Variants in NEB observed in about 807,000 individuals in gnomAD.
The protein encoded by NEB is nemaline myopathy type 2.
NEB carries 512 observed loss-of-function variants against 952.2 expected under a neutral mutation model. The observed-to-expected ratio is 0.54, with a 90% CI of 0.50 to 0.58. NEB has a LOEUF of 0.58. Among genes scored for constraint, NEB ranks in the 20% least tolerant of loss-of-function variants. The pLI is 0.00. For missense variants in NEB, 8,428 were observed against 9,231.1 expected (o/e 0.91, Z 3.56); for synonymous variants, 2,900 against 3,149.8 (o/e 0.92, Z 2.66).
In NEB at chr2:151,503,403, G is replaced by A. The variant is rs924084939; in HGVS notation, c.23781C>T (p.Thr7927=). The change falls in exon 166 of 182, where the codon ACC becomes ACT. Residue 7927 remains threonine (T), a synonymous_variant. Transcript: ENST00000397345. ...CTCTCTCAATCTCTGGAGTCACAGT[G>A]GTTGGAATGCCTGTTCCCAAGTTTT... ...YKENLGTGIP[T]TVTPEIERVK... 2 of 1,612,632 alleles carry A rather than the reference G, an allele frequency of 1.2e-6. No individual in the cohort carries two copies. Among genetic ancestry groups the A allele is most frequent in the Non-Finnish European group, 1.7e-6 (2 of 1,178,934 alleles).
Position 151,640,605 on chromosome 2 carries a change from C to T in NEB, c.8435G>A (p.Arg2812His), listed in dbSNP as rs772240430. The T allele has an allele frequency of 8.1e-6, 13 of 1,613,894 alleles. No individual in the cohort carries two copies. The highest frequency in any genetic ancestry group is 1.6e-4 in the Middle Eastern group (1 of 6,062). Residue 2812 changes from arginine (R) to histidine (H), a missense_variant, in exon 61 of 182, where the codon CGT becomes CAT. This residue lies in a region of NEB where 1,772 missense variants were observed against 1,960.3 expected (regional missense o/e 0.90). Transcript: ENST00000397345. ...GGACCACATCATCTTGGGGTCATCA[C>T]GTATAGCTCGGGCACCAATGTGGTG... is the stretch of plus-strand genomic sequence containing the variant. ...LGHHIGARAI[R>H]DDPKMMWSMH...
chr2:151,519,136 A>C, intron 154 of NEB, 67 bp from the exon 155 acceptor site: 1 of 1,008,992 alleles, frequency 9.9e-7, no homozygotes, highest in Non-Finnish European at 1.6e-6. Context: ...ATGGAAATCA[A>C]AGTGAGATAG....
intron 164 of NEB, 111 bp downstream of exon 164, chr2:151,506,055 T>C: frequency 1.1e-6 from 1 of 927,404 alleles, no homozygotes; most frequent in Non-Finnish European, 1.8e-6. Flanking sequence ...GCACCTATTT[T>C]AGCAATATAA....
intron 176 of NEB, chr2:151,493,074 C>T: frequency 2.9e-6 from 1 of 339,206 alleles, no homozygotes; most frequent in Non-Finnish European, 5.4e-6. Flanking sequence ...GTAGAACTAC[C>T]TCAAAGTATA....
intron 52 of NEB, among the ~76,000 whole-genome samples, chr2:151,653,313 TA>T: frequency 6.6e-6 from 1 of 152,318 alleles, no homozygotes; most frequent in South Asian, 2.1e-4. Context: ...AAAATACTTG[TA>T]AAAAATTAAC....
At chr2:151,692,599 C>T in intron 20 of NEB, 2 of 548,448 alleles carry the variant, frequency 3.6e-6, no homozygotes, top group East Asian at 3.3e-5. Context: ...TTTTTTCAGA[C>T]TGAAAAACGC....
chr2:151,621,337 A>G (rs1008499707), intron 71 of NEB, among the ~76,000 whole-genome samples: 1 of 152,200 alleles, frequency 6.6e-6, no homozygotes, highest in African/African-American at 2.4e-5. Context: ...CAATCAAGAA[A>G]TGTTGATTTA....
At chr2:151,538,901 C>T (rs1034115261) in intron 138 of NEB, among the ~76,000 whole-genome samples, 4 of 152,188 alleles carry the variant, frequency 2.6e-5, no homozygotes, top group African/African-American at 9.6e-5. Flanking sequence ...CTATTTTCAA[C>T]GTCAAACAGT....
intron 54 of NEB, among the ~76,000 whole-genome samples, chr2:151,647,134 G>T (rs1221624868): frequency 6.6e-6 from 1 of 150,834 alleles, no homozygotes; most frequent in Non-Finnish European, 1.5e-5. Context: ...TTTTGAGATG[G>T]AGTTTCACTC....
intron 34 of NEB, among the ~76,000 whole-genome samples, chr2:151,676,860 C>T (rs560007979): frequency 8.5e-5 from 13 of 152,200 alleles, no homozygotes; most frequent in Admixed American, 7.2e-4. Context: ...TCCCATGAAT[C>T]CTCATCTATT....
rs755231047 is a variant in NEB, at chr2:151,570,150, G to A, written c.17361C>T (p.His5787=). The part of the protein sequence containing the change: ...VSDMDYRNYL[H]QWTCMPDQND... ...TCTGGTCGGGCATGCAGGTCCACTGGTGCAGGTAATTGCGGTAATCCATGT... is the reference window on the plus strand; with the variant it reads ...TCTGGTCGGGCATGCAGGTCCACTGATGCAGGTAATTGCGGTAATCCATGT... The change falls in exon 109 of 182, where the codon CAC becomes CAT. Residue 5787 remains histidine, a synonymous_variant. Coordinates refer to ENST00000397345, the MANE Select transcript of NEB (RefSeq NM_001164508.2). 5 of 1,613,430 alleles carry A rather than the reference G, an allele frequency of 3.1e-6. No homozygotes were observed. Among genetic ancestry groups the A allele is most frequent in the Non-Finnish European group, 4.2e-6 (5 of 1,179,706 alleles).
intron 51 of NEB, among the ~76,000 whole-genome samples, chr2:151,654,486 A>T (rs76016277): frequency 0.028 from 4,248 of 152,336 alleles, 195 homozygotes; most frequent in African/African-American, 0.088. Context: ...CAACATTTTA[A>T]TTAGCTAAGT....
chr2:151,698,705 T>C (rs2099618548), intron 13 of NEB, among the ~76,000 whole-genome samples: 1 of 145,922 alleles, frequency 6.9e-6, no homozygotes, highest in African/African-American at 2.5e-5. Flanking sequence ...TGGCACAAAC[T>C]CGGCTCACTG....
At chr2:151,496,780 G>GTGTT (rs1574968389) in intron 172 of NEB, among the ~76,000 whole-genome samples, 161 bp downstream of exon 172, 1 of 152,146 alleles carries the variant, frequency 6.6e-6, no homozygotes, top group Non-Finnish European at 1.5e-5. Context: ...TATGGAAATG[G>GTGTT]TGTTAGGCTA....
rs1030740467 is a variant in NEB, at chr2:151,687,602, C to G, written c.2523+24G>C. ...TCCCCAAGGCCACCCTGTCCAGGTC[C>G]CCAGGTCCCCAGGCCACACTCACAT... On this transcript the variant is annotated intron_variant, in intron 26 of 181. Coordinates refer to ENST00000397345, the MANE Select transcript of NEB (RefSeq NM_001164508.2). 5 of 1,613,376 alleles carry G rather than the reference C, an allele frequency of 3.1e-6. No homozygotes were observed. In the Admixed American group the frequency reaches 8.3e-5, roughly 27 times the overall value.
At chr2:151,687,353 A>T in intron 27 of NEB, 66 bp downstream of exon 27, 1 of 1,364,214 alleles carries the variant, frequency 7.3e-7, no homozygotes, top group Non-Finnish European at 1.0e-6. Flanking sequence ...TTTCCACACT[A>T]CTACCCTTGG....
At chr2:151,683,399 G>A (rs4465763) in intron 28 of NEB, among the ~76,000 whole-genome samples, 38,473 of 152,026 alleles carry the variant, frequency 0.25, 6,126 homozygotes, top group East Asian at 0.49. Flanking sequence ...TGCTACTCTT[G>A]TTGTCTGACC....
Position 151,666,147 on chromosome 2 carries a change from G to A in NEB, c.4974C>T (p.Leu1658=). 1 of 1,613,942 alleles carries A rather than the reference G, an allele frequency of 6.2e-7. No homozygotes were observed. Among genetic ancestry groups the A allele is most frequent in the Non-Finnish European group, 8.5e-7 (1 of 1,179,854 alleles). ...NYRQSYHHYT[L]LPDALNVEHS... is the part of the protein sequence containing the mutation. Reference sequence around the variant, plus strand: ...GCTCCACATTCAAGGCATCGGGCAGGAGAGTGTAGTGGTGGTATGACTGTC... The same window carrying A: ...GCTCCACATTCAAGGCATCGGGCAGAAGAGTGTAGTGGTGGTATGACTGTC... The change falls in exon 41 of 182, where the codon CTC becomes CTT. Residue 1658 remains leucine (L), a synonymous_variant. Coordinates refer to ENST00000397345, the MANE Select transcript of NEB (RefSeq NM_001164508.2).
chr2:151,627,350 C>A, intron 69 of NEB, 145 bp from the exon 70 acceptor site: 1 of 1,365,140 alleles, frequency 7.3e-7, no homozygotes, highest in Non-Finnish European at 9.9e-7. Flanking sequence ...AATACAGTCT[C>A]AGGTATTACT....
Sources: allele counts gnomAD v4.1 joint callset (sites outside exome capture counted in the v4.1 genomes callset), GRCh38; gene constraint gnomAD v4.1.1; regional missense constraint gnomAD v4.1.1; transcripts MANE v1.5; gene names NCBI Gene and HGNC (gene_info 2026-07-23, HGNC 2026-07-21).